Variants in DMXL2 observed in about 807,000 individuals in gnomAD.
DMXL2 encodes the protein Dmx like 2.
DMXL2 carries 103 observed loss-of-function variants against 331.1 expected under a neutral mutation model. The ratio of observed to expected loss-of-function variants is 0.31; its 90% CI spans 0.27 to 0.37. The LOEUF (loss-of-function observed/expected upper bound fraction) is 0.37, where lower values mean the gene tolerates loss of function less well. Among genes scored for constraint, DMXL2 ranks in the 10% least tolerant of loss-of-function variants. The pLI is 1.00. For missense variants in DMXL2, 3,171 were observed against 3,642.9 expected, an observed-to-expected ratio of 0.87 and a Z score of 3.33; for synonymous variants, 1,281 against 1,252.1, an observed-to-expected ratio of 1.02 and a Z score of -0.49.
chr15:51,485,658 C>A (rs1465165550), intron 23 of DMXL2, among the ~76,000 whole-genome samples: 1 of 152,126 alleles, frequency 6.6e-6, no homozygotes, highest in Non-Finnish European at 1.5e-5. Context: ...CCATTCCTTT[C>A]AAATTATTGA....
intron 1 of DMXL2, among the ~76,000 whole-genome samples, chr15:51,621,586 GGTTTA>G (rs1443381034): frequency 1.3e-5 from 2 of 152,134 alleles, no homozygotes; most frequent in Non-Finnish European, 2.9e-5. Context: ...TCCAAGGCTT[GGTTTA>G]AACATTTCCA....
At chr15:51,547,732 G>C (rs1048479239) in intron 6 of DMXL2, among the ~76,000 whole-genome samples, 20 of 152,096 alleles carry the variant, frequency 1.3e-4, no homozygotes, top group Non-Finnish European at 5.9e-5. Flanking sequence ...AGTTAAGAAA[G>C]AATTAGAAAG....
In DMXL2 at chr15:51,448,923, C is replaced by T; in HGVS notation, c.*61G>A. The T allele has an allele frequency of 6.7e-7, 1 of 1,496,240 alleles. No homozygotes were observed. The highest frequency in any genetic ancestry group is 9.2e-7 in the Non-Finnish European group (1 of 1,088,372). 92.7% of individuals were successfully genotyped at this position (1,496,240 alleles called of 1,614,324 possible). The stretch of plus-strand genomic sequence containing the variant: ...TACAACTGCTTAGAAAGCAGAATTG[C>T]CTAGTGATGACTGTAGTGTGCCTTT... On this transcript the variant is annotated 3_prime_UTR_variant, in exon 44 of 44. Coordinates refer to ENST00000560891, the MANE Select transcript of DMXL2 (RefSeq NM_001378457.1).
intron 1 of DMXL2, among the ~76,000 whole-genome samples, chr15:51,589,080 C>A (rs1461266121): frequency 6.6e-6 from 1 of 152,158 alleles, no homozygotes; most frequent in East Asian, 1.9e-4. Context: ...TGACTAATAA[C>A]CATCTGGAAA....
intron 3 of DMXL2, chr15:51,567,379 G>GA (rs1179440189): frequency 2.0e-5 from 3 of 151,792 alleles, no homozygotes; most frequent in African/African-American, 7.3e-5. Flanking sequence ...ACTCATCAGT[G>GA]AAAAAAGCTT....
rs2041092970 is a variant in DMXL2 at position 51,471,379 on chromosome 15, G to A, written c.7236C>T (p.Asp2412=). The change falls in exon 29 of 44, where the codon GAC becomes GAT. Residue 2412 remains aspartate (D), a synonymous_variant. Coordinates refer to ENST00000560891, the MANE Select transcript of DMXL2 (RefSeq NM_001378457.1). ...NISAPPVLSE[D]IDKHRRRFNM... is the part of the protein sequence containing the mutation. Reference sequence around the variant, plus strand: ...TAAATCTCCTACGGTGTTTATCTATGTCTTCAGAAAGGACAGGAGGTGCTA... The same window carrying A: ...TAAATCTCCTACGGTGTTTATCTATATCTTCAGAAAGGACAGGAGGTGCTA... 1.2e-6 allele frequency: 2 copies of A among 1,611,650 alleles called. No individual in the cohort carries two copies. The highest frequency in any genetic ancestry group is 3.3e-5 in the Admixed American group (2 of 59,818).
intron 41 of DMXL2, 154 bp downstream of exon 41, chr15:51,453,382 CTTTTCTCTTTTTGG>C (rs1253550111): frequency 2.1e-6 from 1 of 479,230 alleles, no homozygotes; most frequent in Non-Finnish European, 3.6e-6. Context: ...TTCATTTTTG[CTTTTCTCTTTTTGG>C]TAAGAAAAAA....
At chr15:51,612,531 C>T (rs1233725184) in intron 1 of DMXL2, among the ~76,000 whole-genome samples, 32 of 152,158 alleles carry the variant, frequency 2.1e-4, no homozygotes, top group Non-Finnish European at 2.9e-5. Flanking sequence ...CAGCAGGTTC[C>T]GTGATGCCCC....
intron 22 of DMXL2, among the ~76,000 whole-genome samples, chr15:51,487,444 G>C (rs967306696): frequency 6.7e-6 from 1 of 148,554 alleles, no homozygotes; most frequent in Non-Finnish European, 1.5e-5. Context: ...AATGCAATGT[G>C]CCATATATGA....
At chr15:51,557,717 A>G (rs1382023417) in intron 6 of DMXL2, among the ~76,000 whole-genome samples, 1 of 152,222 alleles carries the variant, frequency 6.6e-6, no homozygotes, top group Non-Finnish European at 1.5e-5. Flanking sequence ...AAACAGACCT[A>G]CAGAAATATG....
rs111450341 is a variant in DMXL2 at position 51,498,844 on chromosome 15, T to C, written c.4380A>G (p.Thr1460=). The change falls in exon 18 of 44, where the codon ACA becomes ACG. Residue 1460 remains threonine (T), a synonymous_variant. Transcript: ENST00000560891. Reference sequence around the variant, plus strand: ...AATACTGATCCTCTGGTTGACTTACTGTCTGATCTTCATAGCTCTGTGGTA... The same window carrying C: ...AATACTGATCCTCTGGTTGACTTACCGTCTGATCTTCATAGCTCTGTGGTA... ...TKIPQSYEDQ[T]VSQPEDQYSE... 55 of 1,614,080 alleles carry C rather than the reference T, an allele frequency of 3.4e-5. No homozygotes were observed. In the African/African-American group the frequency reaches 6.7e-4, roughly 20 times the overall value.
rs1356684282 is a variant in DMXL2 at position 51,507,138 on chromosome 15, A to G, written c.2760T>C (p.Cys920=). The change falls in exon 16 of 44, where the codon TGT becomes TGC. Residue 920 remains cysteine, a synonymous_variant. Transcript: ENST00000560891. ...TATAAAACTATAATTACTTACCTAAACATGCTTGTACAGATTTAAGATGAA... is the reference window on the plus strand; with the variant it reads ...TATAAAACTATAATTACTTACCTAAGCATGCTTGTACAGATTTAAGATGAA... ...WHLHLKSVQA[C]LAKASEGASS... is the part of the protein sequence containing the mutation. 6.3e-7 allele frequency: 1 copy of G among 1,590,594 alleles called. No homozygotes were observed. The highest frequency in any genetic ancestry group is 8.6e-7 in the Non-Finnish European group (1 of 1,167,458).
chr15:51,544,597 G>A (rs906163271), intron 8 of DMXL2, among the ~76,000 whole-genome samples: 6 of 152,136 alleles, frequency 3.9e-5, no homozygotes, highest in African/African-American at 1.4e-4. Flanking sequence ...TCCTTAACTT[G>A]TCAAAGTTGT....
intron 2 of DMXL2, among the ~76,000 whole-genome samples, chr15:51,571,183 CAAAG>C (rs1367491647): frequency 2.0e-5 from 3 of 152,046 alleles, no homozygotes; most frequent in Admixed American, 6.5e-5. Context: ...TCAAAAGAGA[CAAAG>C]AAGGCCATTA....
intron 13 of DMXL2, among the ~76,000 whole-genome samples, chr15:51,529,714 T>C (rs113823750): frequency 6.6e-6 from 1 of 152,088 alleles, no homozygotes; most frequent in Non-Finnish European, 1.5e-5. Flanking sequence ...CTAAAATTAT[T>C]CTGAAAAATA....
chr15:51,617,711 T>C (rs1871237393), intron 1 of DMXL2, among the ~76,000 whole-genome samples: 1 of 152,242 alleles, frequency 6.6e-6, no homozygotes, highest in Admixed American at 6.5e-5. Context: ...AAAGAATATC[T>C]TTAAGAACTT....
intron 34 of DMXL2, 151 bp from the exon 35 acceptor site, chr15:51,458,946 T>C: frequency 2.9e-6 from 2 of 684,488 alleles, no homozygotes; most frequent in South Asian, 2.0e-5. Context: ...GTAACTTTAA[T>C]GTGTTGAAAA....
rs537484530 is a variant in DMXL2 at position 51,452,483 on chromosome 15, C to T, written c.8697-786G>A. Among the ~76,000 whole-genome samples the T allele has an allele frequency of 5.3e-5, 8 of 152,126 alleles. No individual in the cohort carries two copies. In the South Asian group the frequency reaches 1.7e-3, roughly 32 times the overall value. On this transcript the variant is annotated intron_variant, in intron 41 of 43. Coordinates refer to ENST00000560891, the MANE Select transcript of DMXL2 (RefSeq NM_001378457.1). Reference sequence around the variant, plus strand: ...TCTCAAAATACAAATGGCCAACAAACAGGAAAAAATGCTCAAAACCACTAA... The same window carrying T: ...TCTCAAAATACAAATGGCCAACAAATAGGAAAAAATGCTCAAAACCACTAA...
intron 2 of DMXL2, among the ~76,000 whole-genome samples, chr15:51,574,561 C>G (rs1406160909): frequency 1.3e-5 from 2 of 152,262 alleles, no homozygotes; most frequent in East Asian, 3.9e-4. Flanking sequence ...TCAAATGACA[C>G]TTACGCAAAA....
Sources: gnomAD v4.1 joint callset for allele counts (sites outside exome capture counted in the v4.1 genomes callset) on GRCh38, gnomAD v4.1.1 for gene constraint, MANE v1.5 for transcripts, NCBI Gene and HGNC (gene_info 2026-07-23, HGNC 2026-07-21) for gene names.